The following COL1A2 variants were observed in gnomAD, a reference collection of about 807,000 sequenced individuals.
COL1A2 encodes collagen alpha-2(I) chain.
COL1A2 carries 49 observed loss-of-function variants against 174.3 expected under a neutral mutation model. The ratio of observed to expected loss-of-function variants is 0.28; its 90% CI spans 0.22 to 0.36. The LOEUF (loss-of-function observed/expected upper bound fraction) is 0.36, where lower values mean the gene tolerates loss of function less well. COL1A2 is among the 10% of genes least tolerant of loss of function. The pLI is 1.00. For synonymous variants in COL1A2, 655 were observed against 606.6 expected (o/e 1.08, Z -1.17); for missense variants, 1,438 against 1,822.7 (o/e 0.79, Z 3.84).
chr7:94,394,938 G>T lies in COL1A2; in HGVS notation c.-94G>T. 3 of 994,628 alleles carry T rather than the reference G, an allele frequency of 3.0e-6. No homozygotes were observed. The highest frequency in any genetic ancestry group is 4.9e-6 in the Non-Finnish European group (3 of 617,634). The allele number at this position is 994,628 out of a possible 1,614,324, so 61.6% of individuals were successfully genotyped here. A position where few individuals can be genotyped will look rare whatever the true frequency, so the allele number is the denominator to read the frequency against. ...GGTTTCGGCTAAGTTGGAGGTACTG[G>T]CCACGACTGCATGCCCGCGCCCGCC... On this transcript the variant is annotated 5_prime_UTR_variant, in exon 1 of 52. Transcript: ENST00000297268.
intron 24 of COL1A2, 125 bp from the exon 25 acceptor site, chr7:94,412,459 A>G: frequency 2.6e-6 from 2 of 759,230 alleles, no homozygotes; most frequent in Non-Finnish European, 4.5e-6. Context: ...ATAATTTATT[A>G]ACGCTTTATA....
chr7:94,399,043 C>G lies in COL1A2; in HGVS notation c.97-6C>G. On this transcript the variant is annotated splice_polypyrimidine_tract_variant and splice_region_variant and intron_variant, in intron 3 of 51. Transcript: ENST00000297268. ...TATTATTGTCCTGTTTGTATCTTTC[C>G]TGTAGGGCCCAGCCGGAGATAGAGG... 1 of 1,613,422 alleles carries G rather than the reference C, an allele frequency of 6.2e-7. No individual in the cohort carries two copies. Among genetic ancestry groups the G allele is most frequent in the South Asian group, 1.1e-5 (1 of 91,036 alleles).
At chr7:94,422,355 C>A (rs1792182766) in intron 39 of COL1A2, 1 of 162,346 alleles carries the variant, frequency 6.2e-6, no homozygotes, top group Non-Finnish European at 1.3e-5. Flanking sequence ...TTCAGACTCT[C>A]CTGTCAGGAC....
chr7:94,419,661 A>G lies in COL1A2; in HGVS notation c.2079+110A>G, dbSNP rs538036200. ...TTATGGCTTGGTATAAAGCCTACTT[A>G]TTTAAAAACCTAGCTATTGTGATAG... On this transcript the variant is annotated intron_variant, in intron 34 of 51. Transcript: ENST00000297268. 3.3e-6 allele frequency: 4 copies of G among 1,198,454 alleles called. No homozygotes were observed. The East Asian group carries it at 9.4e-5, about 28-fold the overall frequency. 74.2% of individuals were successfully genotyped at this position (1,198,454 alleles called of 1,614,324 possible).
At chr7:94,401,152 A>G (rs1469277469) in intron 5 of COL1A2, among the ~76,000 whole-genome samples, 1 of 152,202 alleles carries the variant, frequency 6.6e-6, no homozygotes, top group Non-Finnish European at 1.5e-5. Flanking sequence ...CATTTTGTGT[A>G]GCTCCGGTGG....
intron 32 of COL1A2, 91 bp downstream of exon 32, chr7:94,417,922 G>T: frequency 9.7e-7 from 1 of 1,026,072 alleles, no homozygotes; most frequent in East Asian, 2.6e-5. Flanking sequence ...CTTGGCAGGT[G>T]GTCTGGTAGC....
At chr7:94,422,743 AT>A in intron 39 of COL1A2, 1 of 592,508 alleles carries the variant, frequency 1.7e-6, no homozygotes, top group Non-Finnish European at 3.0e-6. Flanking sequence ...TCTCTCCTCC[AT>A]TATTTGGTTG....
At chr7:94,408,309 C>T (rs1162955873) in intron 14 of COL1A2, 27 bp from the exon 15 acceptor site, 2 of 1,613,920 alleles carry the variant, frequency 1.2e-6, no homozygotes, top group South Asian at 1.1e-5. Flanking sequence ...AAGTTTCCAC[C>T]TGATCTTCCC....
chr7:94,394,900 C>T lies in COL1A2; in HGVS notation c.-132C>T. ...GATCCGGGCTTTATTATTTTAGCAC[C>T]ACGGCAGCAGGAGGTTTCGGCTAAG... On this transcript the variant is annotated 5_prime_UTR_variant, in exon 1 of 52. Transcript: ENST00000297268. 2.6e-6 allele frequency: 2 copies of T among 765,882 alleles called. No homozygotes were observed. Among genetic ancestry groups the T allele is most frequent in the Non-Finnish European group, 2.4e-6 (1 of 421,016 alleles). The allele number at this position is 765,882 out of a possible 1,614,324, so 47.4% of individuals were successfully genotyped here.
At position 94,409,435 on chromosome 7, in the gene COL1A2, T is replaced by C. The variant is rs1268070967; in HGVS notation, c.891+15T>C. 1 of 1,613,680 alleles carries C rather than the reference T, an allele frequency of 6.2e-7. No individual in the cohort carries two copies. Among genetic ancestry groups the C allele is most frequent in the Non-Finnish European group, 8.5e-7 (1 of 1,179,660 alleles). On this transcript the variant is annotated intron_variant, in intron 17 of 51. Transcript: ENST00000297268. The stretch of plus-strand genomic sequence containing the variant: ...TTGGACCTCCTGTAAGTAGCCACTG[T>C]CTTTAAACTTTATTGAGTAAAAGAA...
intron 51 of COL1A2, chr7:94,429,918 G>A: frequency 2.8e-6 from 1 of 356,054 alleles, no homozygotes. Context: ...TACCCACCCA[G>A]GTCCCGCTCC....
At position 94,394,929 on chromosome 7, in the gene COL1A2, G is replaced by C; in HGVS notation, c.-103G>C. The C allele has an allele frequency of 2.2e-6, 2 of 891,088 alleles. No individual in the cohort carries two copies. Among genetic ancestry groups the C allele is most frequent in the East Asian group, 4.8e-5 (2 of 41,490 alleles). The allele number at this position is 891,088 out of a possible 1,614,324, so 55.2% of individuals were successfully genotyped here. On this transcript the variant is annotated 5_prime_UTR_variant, in exon 1 of 52. Coordinates refer to ENST00000297268, the MANE Select transcript of COL1A2 (RefSeq NM_000089.4). ...GCAGCAGGAGGTTTCGGCTAAGTTG[G>C]AGGTACTGGCCACGACTGCATGCCC...
Position 94,418,537 on chromosome 7 carries a change from C to T in COL1A2, c.2010C>T (p.Gly670=), listed in dbSNP as rs771671240. The part of the protein sequence containing the change: ...PGLRGEIGNP[G]RDGARGAPGA... ...TCAGAGGTGAAATTGGTAACCCTGG[C>T]AGAGATGGTGCTCGTGTGAGTAGAA... Residue 670 remains glycine, a synonymous_variant, in exon 33 of 52, where the codon GGC becomes GGT. Coordinates refer to ENST00000297268, the MANE Select transcript of COL1A2 (RefSeq NM_000089.4). The T allele has an allele frequency of 9.9e-6, 16 of 1,613,854 alleles. No homozygotes were observed. The highest frequency in any genetic ancestry group is 1.4e-5 in the Non-Finnish European group (16 of 1,179,880).
intron 9 of COL1A2, 59 bp from the exon 10 acceptor site, chr7:94,405,140 C>T (rs1791769085): frequency 1.6e-5 from 25 of 1,561,042 alleles, no homozygotes; most frequent in Non-Finnish European, 2.2e-5. Flanking sequence ...CCAAGATTCC[C>T]CCATTTTGTC....
chr7:94,426,495 G>T lies in COL1A2; in HGVS notation c.3070G>T (p.Gly1024Ter). 2 of 1,606,496 alleles carry T rather than the reference G, an allele frequency of 1.2e-6. No homozygotes were observed. Among genetic ancestry groups the T allele is most frequent in the Non-Finnish European group, 1.7e-6 (2 of 1,176,938 alleles). Reference sequence around the variant, plus strand: ...GCCCAGAGGTCTTCCTGGCTTAAAGGGACACAATGGATTGCAAGGTCTGCC... The same window carrying T: ...GCCCAGAGGTCTTCCTGGCTTAAAGTGACACAATGGATTGCAAGGTCTGCC... ...KGPRGLPGLK[G>*]HNGLQGLPGI... The change falls in exon 46 of 52, where the codon GGA (glycine) becomes TGA (stop). Residue 1024 changes from glycine (G) to a stop codon, truncating the protein, a stop_gained. Coordinates refer to ENST00000297268, the MANE Select transcript of COL1A2 (RefSeq NM_000089.4). LOFTEE classifies it high-confidence loss of function.
Position 94,410,314 on chromosome 7 carries a change from A to C in COL1A2, c.1089+19A>C, listed in dbSNP as rs775298998. ...TGAGCCCGTAAGTAGCTCTATCATC[A>C]CACTTTTATAAAGTTAATTGTTTTT... On this transcript the variant is annotated intron_variant, in intron 20 of 51. Coordinates refer to ENST00000297268, the MANE Select transcript of COL1A2 (RefSeq NM_000089.4). 6.2e-7 allele frequency: 1 copy of C among 1,613,734 alleles called. No homozygotes were observed. The highest frequency in any genetic ancestry group is 1.1e-5 in the South Asian group (1 of 91,042).
At chr7:94,398,440 G>T (rs1235733876) in intron 3 of COL1A2, 44 bp downstream of exon 3, 7 of 844,748 alleles carry the variant, frequency 8.3e-6, no homozygotes, top group Non-Finnish European at 1.0e-5. Flanking sequence ...AATTATCAGG[G>T]ATAACATAAT....
rs1584313324 is a variant in COL1A2 at position 94,399,992 on chromosome 7, A to G, written c.133-204A>G. On this transcript the variant is annotated intron_variant, in intron 4 of 51. Transcript: ENST00000297268. Reference sequence around the variant, plus strand: ...AATGGCCGAGATAGTTCTTTAGGAAAACTACCCTGTGATATCTTAAGAGTT... The same window carrying G: ...AATGGCCGAGATAGTTCTTTAGGAAGACTACCCTGTGATATCTTAAGAGTT... 5.6e-6 allele frequency: 4 copies of G among 719,652 alleles called. No individual in the cohort carries two copies. In the East Asian group the frequency reaches 1.0e-4, roughly 18 times the overall value. The allele number at this position is 719,652 out of a possible 1,614,324, so 44.6% of individuals were successfully genotyped here.
chr7:94,396,984 G>C (rs146938454), intron 1 of COL1A2, among the ~76,000 whole-genome samples: 2 of 152,178 alleles, frequency 1.3e-5, no homozygotes, highest in East Asian at 3.9e-4. Context: ...CAAAAGGGGG[G>C]ATAGTACTTT....
Sources: gnomAD v4.1 joint callset for allele counts (sites outside exome capture counted in the v4.1 genomes callset) on GRCh38, gnomAD v4.1.1 for gene constraint, MANE v1.5 for transcripts, NCBI Gene and HGNC (gene_info 2026-07-23, HGNC 2026-07-21) for gene names.